The following HTR1F variants were observed in gnomAD, a reference collection of about 807,000 sequenced individuals.
The protein encoded by HTR1F is 5-hydroxytryptamine (serotonin) receptor 1F, G protein-coupled.
Under a neutral mutation model 24.0 loss-of-function variants are expected in HTR1F, and 17 were observed. That is an observed-to-expected ratio of 0.71 (90% CI 0.48 to 1.06). The LOEUF is 1.06. HTR1F is among the 50% of genes least tolerant of loss of function. HTR1F has a pLI of 0.00. For synonymous variants in HTR1F, 186 were observed against 156.8 expected, an observed-to-expected ratio of 1.19 and a Z score of -1.39; for missense variants, 391 against 427.8, an observed-to-expected ratio of 0.91 and a Z score of 0.76.
intron 2 of HTR1F, among the ~76,000 whole-genome samples, chr3:87,883,244 G>C (rs1705850643): frequency 6.6e-6 from 1 of 152,162 alleles, no homozygotes; most frequent in Non-Finnish European, 1.5e-5. Flanking sequence ...CTGTTGAAAG[G>C]AAAACTAACA....
chr3:87,924,182 G>A (rs1704073578), intron 2 of HTR1F, among the ~76,000 whole-genome samples: 1 of 151,822 alleles, frequency 6.6e-6, no homozygotes, highest in African/African-American at 2.4e-5. Context: ...CATGTTCTTG[G>A]TCTCTTCAGG....
intron 2 of HTR1F, among the ~76,000 whole-genome samples, chr3:87,946,738 GC>G (rs1464874843): frequency 1.3e-5 from 2 of 151,494 alleles, no homozygotes; most frequent in Non-Finnish European, 1.5e-5. Flanking sequence ...CTATTCTCCT[GC>G]CTCAGCCTCC....
intron 2 of HTR1F, among the ~76,000 whole-genome samples, chr3:87,849,488 C>T (rs1249710970): frequency 4.0e-5 from 6 of 151,806 alleles, no homozygotes; most frequent in Non-Finnish European, 7.4e-5. Flanking sequence ...CATGTTAGAC[C>T]TAAAACCATA....
intron 2 of HTR1F, among the ~76,000 whole-genome samples, chr3:87,824,377 G>C (rs906824968): frequency 6.6e-6 from 1 of 152,038 alleles, no homozygotes; most frequent in Non-Finnish European, 1.5e-5. Flanking sequence ...CGACATGATT[G>C]GATCCCTGGC....
At chr3:87,909,054 G>T (rs1489749472) in intron 2 of HTR1F, among the ~76,000 whole-genome samples, 1 of 151,958 alleles carries the variant, frequency 6.6e-6, no homozygotes, top group Non-Finnish European at 1.5e-5. Flanking sequence ...AGCCTATACT[G>T]CTTCATTTCT....
At chr3:87,882,737 G>A (rs921104896) in intron 2 of HTR1F, among the ~76,000 whole-genome samples, 1 of 150,948 alleles carries the variant, frequency 6.6e-6, no homozygotes, top group African/African-American at 2.4e-5. Context: ...GATAGCACTG[G>A]GAGATATACC....
chr3:87,823,277 A>G (rs1434305842), intron 2 of HTR1F, among the ~76,000 whole-genome samples: 1 of 152,170 alleles, frequency 6.6e-6, no homozygotes. Context: ...TCTCAATGGT[A>G]CCCATTCTCC....
intron 2 of HTR1F, among the ~76,000 whole-genome samples, chr3:87,895,123 C>G (rs1559622219): frequency 6.6e-6 from 1 of 152,088 alleles, no homozygotes; most frequent in African/African-American, 2.4e-5. Flanking sequence ...CTTGAAGTCA[C>G]AGATGTAGGT....
chr3:87,835,702 G>C, intron 2 of HTR1F, among the ~76,000 whole-genome samples: 1 of 152,122 alleles, frequency 6.6e-6, no homozygotes, highest in East Asian at 1.9e-4. Flanking sequence ...GTATTTTTGA[G>C]ACCAAATTCC....
chr3:87,843,471 A>G (rs1190426078), intron 2 of HTR1F, among the ~76,000 whole-genome samples: 1 of 151,040 alleles, frequency 6.6e-6, no homozygotes, highest in East Asian at 1.9e-4. Context: ...GATACCACAT[A>G]AACCTACCAC....
At chr3:87,832,477 G>A (rs762907712) in intron 2 of HTR1F, among the ~76,000 whole-genome samples, 4 of 151,954 alleles carry the variant, frequency 2.6e-5, no homozygotes, top group Non-Finnish European at 5.9e-5. Context: ...ACAGGCGCAC[G>A]CCGCCACACC....
chr3:87,917,186 T>A (rs1445802793), intron 2 of HTR1F, among the ~76,000 whole-genome samples: 1 of 151,650 alleles, frequency 6.6e-6, no homozygotes, highest in South Asian at 2.1e-4. Context: ...AGAAAACCTA[T>A]CAAAACCTCT....
At chr3:87,852,556 T>C (rs1705110055) in intron 2 of HTR1F, among the ~76,000 whole-genome samples, 1 of 151,770 alleles carries the variant, frequency 6.6e-6, no homozygotes, top group African/African-American at 2.4e-5. Context: ...TAAGTTTTCA[T>C]GTATTCTGCA....
At position 87,991,469 on chromosome 3, in the gene HTR1F, A is replaced by T; in HGVS notation, c.720A>T (p.Ser240=). Residue 240 remains serine (S), a synonymous_variant, in exon 3 of 3, where the codon TCA becomes TCT. Coordinates refer to ENST00000319595, the MANE Select transcript of HTR1F (RefSeq NM_001322209.2). ...LLESGEKSTK[S]VSTSYVLEKS... ...AGAGTGGTGAGAAAAGCACTAAATC[A>T]GTTTCCACATCCTATGTACTAGAAA... is the stretch of plus-strand genomic sequence containing the variant. 2 of 1,614,096 alleles carry T rather than the reference A, an allele frequency of 1.2e-6. No individual in the cohort carries two copies. The highest frequency in any genetic ancestry group is 1.7e-6 in the Non-Finnish European group (2 of 1,179,982).
In HTR1F at chr3:87,818,668, T is replaced by C. The variant is rs530805184; in HGVS notation, c.-159-3340T>C. 1.1e-4 allele frequency among the ~76,000 whole-genome samples: 17 copies of C among 152,270 alleles called. No individual in the cohort carries two copies. The South Asian group carries it at 3.5e-3, about 32-fold the overall frequency. ...GCCTTGCTTCTCTCAAATTATGCTT[T>C]CCCCTGTTTACCCATCCACAGGTAT... is the stretch of plus-strand genomic sequence containing the variant. On this transcript the variant is annotated intron_variant, in intron 1 of 2. Coordinates refer to ENST00000319595, the MANE Select transcript of HTR1F (RefSeq NM_001322209.2).
At chr3:87,834,508 T>C (rs1242371220) in intron 2 of HTR1F, among the ~76,000 whole-genome samples, 1 of 151,916 alleles carries the variant, frequency 6.6e-6, no homozygotes, top group African/African-American at 2.4e-5. Flanking sequence ...AAAGTCAACG[T>C]GAGGTGGCGC....
At chr3:87,831,238 T>C (rs1575919265) in intron 2 of HTR1F, among the ~76,000 whole-genome samples, 1 of 151,598 alleles carries the variant, frequency 6.6e-6, no homozygotes, top group East Asian at 1.9e-4. Flanking sequence ...CTAATCAAGG[T>C]GAACAAAATA....
At chr3:87,898,870 A>G (rs1232701812) in intron 2 of HTR1F, among the ~76,000 whole-genome samples, 2 of 152,152 alleles carry the variant, frequency 1.3e-5, no homozygotes, top group Non-Finnish European at 2.9e-5. Flanking sequence ...TGGATATTGA[A>G]AGTGTTATAC....
At chr3:87,850,711 A>G (rs1446894199) in intron 2 of HTR1F, among the ~76,000 whole-genome samples, 1 of 151,742 alleles carries the variant, frequency 6.6e-6, no homozygotes, top group African/African-American at 2.4e-5. Context: ...AGAAAAATTT[A>G]TATTTTATTA....
Sources: allele counts gnomAD v4.1 joint callset (sites outside exome capture counted in the v4.1 genomes callset), GRCh38; gene constraint gnomAD v4.1.1; transcripts MANE v1.5; gene names NCBI Gene and HGNC (gene_info 2026-07-23, HGNC 2026-07-21).